Variants in KLF12 observed in about 807,000 individuals in gnomAD.
The protein encoded by KLF12 is Krueppel-like factor 12.
In KLF12, 9 loss-of-function variants were observed where a neutral mutation model predicts 37.8. That is an observed-to-expected ratio of 0.24 (90% CI 0.14 to 0.42). KLF12 has a LOEUF of 0.42. Ranked by LOEUF, KLF12 falls within the 10% of genes least tolerant of loss-of-function variation. The pLI is 1.00. For missense variants in KLF12, 411 were observed against 516.0 expected (o/e 0.80, Z 1.97); for synonymous variants, 208 against 202.1 (o/e 1.03, Z -0.25).
intron 1 of KLF12, among the ~76,000 whole-genome samples, chr13:74,121,794 A>C (rs1877648739): frequency 6.6e-6 from 1 of 152,034 alleles, no homozygotes; most frequent in Non-Finnish European, 1.5e-5. Flanking sequence ...TACCTAAGAA[A>C]ATTTATAAAG....
At chr13:74,068,336 T>A (rs1054194560) in intron 1 of KLF12, among the ~76,000 whole-genome samples, 2 of 152,232 alleles carry the variant, frequency 1.3e-5, no homozygotes, top group African/African-American at 4.8e-5. Flanking sequence ...GCTATCCTAA[T>A]TGTACTACAA....
At chr13:73,736,144 C>T (rs1209488983) in intron 6 of KLF12, among the ~76,000 whole-genome samples, 1 of 152,096 alleles carries the variant, frequency 6.6e-6, no homozygotes, top group African/African-American at 2.4e-5. Context: ...CACTCCTAAA[C>T]CCTACTAACT....
At chr13:73,731,190 G>C (rs970555557) in intron 6 of KLF12, among the ~76,000 whole-genome samples, 1 of 152,040 alleles carries the variant, frequency 6.6e-6, no homozygotes, top group South Asian at 2.1e-4. Context: ...GGCGAGAGAG[G>C]AGCGAATGGT....
chr13:73,968,959 T>C (rs972093352), intron 2 of KLF12, among the ~76,000 whole-genome samples: 1 of 151,858 alleles, frequency 6.6e-6, no homozygotes, highest in African/African-American at 2.4e-5. Context: ...CCGTTTGGAT[T>C]TCCCATAAAG....
intron 2 of KLF12, among the ~76,000 whole-genome samples, chr13:73,980,170 C>A (rs990350139): frequency 6.6e-6 from 1 of 152,058 alleles, no homozygotes; most frequent in Admixed American, 6.5e-5. Context: ...TACAATAAAC[C>A]AAATACAATT....
intron 1 of KLF12, among the ~76,000 whole-genome samples, chr13:74,015,290 T>C (rs1892658845): frequency 6.6e-6 from 1 of 152,206 alleles, no homozygotes; most frequent in Non-Finnish European, 1.5e-5. Context: ...CACTAGGTTA[T>C]AAATTTGGTG....
At chr13:74,031,165 T>G (rs1050251956) in intron 1 of KLF12, among the ~76,000 whole-genome samples, 2 of 152,158 alleles carry the variant, frequency 1.3e-5, no homozygotes, top group African/African-American at 2.4e-5. Context: ...TTTTTGCTCT[T>G]TGGAAATTTG....
intron 5 of KLF12, among the ~76,000 whole-genome samples, chr13:73,788,571 C>A (rs925516932): frequency 2.6e-5 from 4 of 152,094 alleles, no homozygotes; most frequent in Non-Finnish European, 5.9e-5. Flanking sequence ...CAGCCCTGGG[C>A]CTGTGGAACA....
At chr13:74,149,599 G>C in the KLF12 span, among the ~76,000 whole-genome samples, 1 of 152,066 alleles carries the variant, frequency 6.6e-6, no homozygotes, top group African/African-American at 2.4e-5. Flanking sequence ...TGGACTCCGT[G>C]CTTCCATCTT....
intron 3 of KLF12, among the ~76,000 whole-genome samples, chr13:73,933,664 C>T (rs1889789315): frequency 6.6e-6 from 1 of 152,144 alleles, no homozygotes; most frequent in Non-Finnish European, 1.5e-5. Context: ...GCCATATACT[C>T]ACACATGGTT....
chr13:74,189,746 C>T, the KLF12 span, among the ~76,000 whole-genome samples: 1 of 152,074 alleles, frequency 6.6e-6, no homozygotes, highest in Non-Finnish European at 1.5e-5. Context: ...TCCATTCATC[C>T]ACATATGTTA....
At chr13:74,206,594 C>G in the KLF12 span, among the ~76,000 whole-genome samples, 359 of 152,200 alleles carry the variant, frequency 2.4e-3, 1 homozygote, top group African/African-American at 7.4e-3. Flanking sequence ...ATCCACTGAT[C>G]CAGGGATTTG....
chr13:74,110,029 A>C (rs1299312050), intron 1 of KLF12, among the ~76,000 whole-genome samples: 1 of 152,242 alleles, frequency 6.6e-6, no homozygotes, highest in African/African-American at 2.4e-5. Context: ...AGAGGATAGT[A>C]AACTTTAGCC....
intron 4 of KLF12, among the ~76,000 whole-genome samples, chr13:73,832,891 G>A (rs1457303007): frequency 3.9e-5 from 6 of 152,152 alleles, no homozygotes; most frequent in African/African-American, 1.4e-4. Context: ...GCTAAGGACA[G>A]GAAAAATGGT....
the KLF12 span, among the ~76,000 whole-genome samples, chr13:74,211,324 C>A: frequency 6.6e-6 from 1 of 152,014 alleles, no homozygotes; most frequent in Non-Finnish European, 1.5e-5. Context: ...TGCTTCGATA[C>A]CAGAAAGGAA....
At chr13:74,195,246 G>A in the KLF12 span, among the ~76,000 whole-genome samples, 1 of 152,142 alleles carries the variant, frequency 6.6e-6, no homozygotes, top group African/African-American at 2.4e-5. Context: ...TACTTTTAGT[G>A]GAAAAGAAAG....
chr13:74,233,596 G>C, the KLF12 span, among the ~76,000 whole-genome samples: 1 of 152,026 alleles, frequency 6.6e-6, no homozygotes, highest in African/African-American at 2.4e-5. Flanking sequence ...TCAATTAAAA[G>C]TAACTCATGA....
At chr13:73,783,756 C>A (rs1014669361) in intron 5 of KLF12, among the ~76,000 whole-genome samples, 2 of 152,246 alleles carry the variant, frequency 1.3e-5, no homozygotes, top group East Asian at 3.9e-4. Context: ...TTGGAAATAT[C>A]TTTGCACAAT....
In KLF12 at chr13:73,914,155, C is replaced by A. The variant is rs185664781; in HGVS notation, c.123+29826G>T. The stretch of plus-strand genomic sequence containing the variant: ...ACTTTGCTCTGACCTACCTTAAACC[C>A]TATTTTCTGACTTATTTCTGATATC... On this transcript the variant is annotated intron_variant, in intron 3 of 7. Coordinates refer to ENST00000377669, the MANE Select transcript of KLF12 (RefSeq NM_007249.5). Among the ~76,000 whole-genome samples the A allele has an allele frequency of 7.2e-5, 11 of 152,294 alleles. No homozygotes were observed. The East Asian group carries it at 9.7e-4, about 13-fold the overall frequency.
Sources: gnomAD v4.1 joint callset for allele counts (sites outside exome capture counted in the v4.1 genomes callset) on GRCh38, gnomAD v4.1.1 for gene constraint, MANE v1.5 for transcripts, NCBI Gene and HGNC (gene_info 2026-07-23, HGNC 2026-07-21) for gene names.